KIAA0319L: variants seen among roughly 807,000 people sequenced by gnomAD.
KIAA0319L encodes the protein KIAA0319 like.
Under a neutral mutation model 120.1 loss-of-function variants are expected in KIAA0319L, and 55 were observed. The ratio of observed to expected loss-of-function variants is 0.46; its 90% CI spans 0.37 to 0.57. The LOEUF is 0.57. KIAA0319L is among the 20% of genes least tolerant of loss of function. KIAA0319L has a pLI of 0.00. For missense variants in KIAA0319L, 1,049 were observed against 1,255.3 expected, an observed-to-expected ratio of 0.84 and a Z score of 2.48; for synonymous variants, 398 against 471.9, an observed-to-expected ratio of 0.84 and a Z score of 2.03.
Position 35,453,492 on chromosome 1 carries a change from A to G in KIAA0319L, c.1913+65T>C. On this transcript the variant is annotated intron_variant, in intron 12 of 20. Transcript: ENST00000325722. This position sits in a 1 kb window ranked among gnomAD's most constrained non-coding sequence, Gnocchi z 4.1. Reference sequence around the variant, plus strand: ...AGAGCAACTCAACTCATAATAGCAAATAAAACCTTGCTCTTCCAAGGTCTG... The same window carrying G: ...AGAGCAACTCAACTCATAATAGCAAGTAAAACCTTGCTCTTCCAAGGTCTG... The G allele has an allele frequency of 6.6e-7, 1 of 1,524,806 alleles. No homozygotes were observed. The highest frequency in any genetic ancestry group is 9.0e-7 in the Non-Finnish European group (1 of 1,107,458). 94.5% of individuals were successfully genotyped at this position (1,524,806 alleles called of 1,614,324 possible).
intron 17 of KIAA0319L, among the ~76,000 whole-genome samples, chr1:35,443,714 A>G (rs1342346246): frequency 6.6e-6 from 1 of 152,156 alleles, no homozygotes; most frequent in East Asian, 1.9e-4. Context: ...ATAAGCATTA[A>G]ACAACAAGAG....
chr1:35,534,518 C>T (rs1376356419), intron 2 of KIAA0319L, among the ~76,000 whole-genome samples: 6 of 152,158 alleles, frequency 3.9e-5, no homozygotes, highest in African/African-American at 1.4e-4. Context: ...ATAACACTGT[C>T]ACTAAAAAGC....
rs369095966 is a variant in KIAA0319L at position 35,474,921 on chromosome 1, A to T, written c.914-15T>A. Reference sequence around the variant, plus strand: ...TTCCTTTATAACTGGAAACAAAGTAAATATACCAGAGATAAGAAATAGATC... The same window carrying T: ...TTCCTTTATAACTGGAAACAAAGTATATATACCAGAGATAAGAAATAGATC... On this transcript the variant is annotated splice_polypyrimidine_tract_variant and intron_variant, in intron 4 of 20. Transcript: ENST00000325722. 72 of 1,356,410 alleles carry T rather than the reference A, an allele frequency of 5.3e-5. No individual in the cohort carries two copies. The highest frequency in any genetic ancestry group is 7.4e-5 in the Non-Finnish European group (70 of 949,380). The allele number at this position is 1,356,410 out of a possible 1,614,324, so 84.0% of individuals were successfully genotyped here. A position where few individuals can be genotyped will look rare whatever the true frequency, so the allele number is the denominator to read the frequency against.
intron 3 of KIAA0319L, among the ~76,000 whole-genome samples, chr1:35,501,819 A>G (rs1359420597): frequency 6.7e-6 from 1 of 150,366 alleles, no homozygotes; most frequent in Non-Finnish European, 1.5e-5. Flanking sequence ...TGGAGGTTGC[A>G]GTGAGCCAAG....
At chr1:35,532,513 G>T (rs1411127061) in intron 2 of KIAA0319L, among the ~76,000 whole-genome samples, 1 of 152,096 alleles carries the variant, frequency 6.6e-6, no homozygotes, top group Non-Finnish European at 1.5e-5. Context: ...AACCTTTGAA[G>T]AATAATTTAA....
chr1:35,444,296 T>C lies in KIAA0319L; in HGVS notation c.2521A>G (p.Met841Val), dbSNP rs1467237626. The C allele has an allele frequency of 6.2e-7, 1 of 1,605,290 alleles. No homozygotes were observed. The highest frequency in any genetic ancestry group is 8.5e-7 in the Non-Finnish European group (1 of 1,176,510). Residue 841 changes from methionine (M) to valine (V), a missense_variant, in exon 17 of 21, where the codon ATG (methionine) becomes GTG (valine). Transcript: ENST00000325722. ...GGCTCGTTTTGAACAAAAAATACCA[T>C]TTTGGTGCTGCAGAGACATGCAACA... ...IQPYTEQSTK[M>V]VFFVQNEPPH...
intron 2 of KIAA0319L, among the ~76,000 whole-genome samples, chr1:35,512,714 CA>C (rs1201763151): frequency 6.6e-6 from 1 of 151,680 alleles, no homozygotes; most frequent in Non-Finnish European, 1.5e-5. Flanking sequence ...ACTAAAAATA[CA>C]AAAATTAACT....
intron 7 of KIAA0319L, among the ~76,000 whole-genome samples, chr1:35,464,374 T>G (rs1643107834): frequency 6.6e-6 from 1 of 152,210 alleles, no homozygotes; most frequent in Admixed American, 6.5e-5. Flanking sequence ...TGACTCTTGC[T>G]ATGTTTTCGC....
At chr1:35,539,425 C>T (rs1371646319) in intron 2 of KIAA0319L, among the ~76,000 whole-genome samples, 2 of 152,168 alleles carry the variant, frequency 1.3e-5, no homozygotes, top group Non-Finnish European at 2.9e-5. Flanking sequence ...TAGGAAAACT[C>T]GCTGTTATTT....
intron 17 of KIAA0319L, among the ~76,000 whole-genome samples, chr1:35,443,673 A>AAAATAAATAAAT (rs750954696): frequency 6.7e-4 from 101 of 151,124 alleles, no homozygotes; most frequent in Middle Eastern, 3.4e-3. Context: ...ACTCTATCTC[A>AAAATAAATAAAT]AAATAAATAA....
At chr1:35,551,349 G>A (rs914411902) in intron 2 of KIAA0319L, among the ~76,000 whole-genome samples, 12 of 151,738 alleles carry the variant, frequency 7.9e-5, no homozygotes, top group Middle Eastern at 3.2e-3. Flanking sequence ...ATGGAGTCTC[G>A]CTCTGTTGGC....
chr1:35,440,981 T>G (rs771632902), intron 20 of KIAA0319L, 66 bp downstream of exon 20: 9 of 1,209,932 alleles, frequency 7.4e-6, no homozygotes, highest in Non-Finnish European at 9.9e-6. Flanking sequence ...CAGGAGGGGC[T>G]AGTGACAGCA....
rs549983123 is a variant in KIAA0319L, at chr1:35,480,040, T to A, written c.667-828A>T. 9.9e-5 allele frequency among the ~76,000 whole-genome samples: 15 copies of A among 151,816 alleles called. No individual in the cohort carries two copies. In the East Asian group the frequency reaches 2.1e-3, roughly 21 times the overall value. On this transcript the variant is annotated intron_variant, in intron 3 of 20. Transcript: ENST00000325722. ...AGAGTATGGAAAAGAATGATTTTTT[T>A]ATTATTATTATTAAAGAAAAAGGCT...
chr1:35,509,442 GTC>G (rs1440808699), intron 2 of KIAA0319L, among the ~76,000 whole-genome samples: 1 of 152,212 alleles, frequency 6.6e-6, no homozygotes, highest in African/African-American at 2.4e-5. Flanking sequence ...GAGAAGAAAA[GTC>G]TATAAAATCA....
At chr1:35,532,418 G>A (rs943743729) in intron 2 of KIAA0319L, among the ~76,000 whole-genome samples, 2 of 152,100 alleles carry the variant, frequency 1.3e-5, no homozygotes, top group African/African-American at 4.8e-5. Context: ...CTGAATCATA[G>A]TTCTTTGTCT....
intron 3 of KIAA0319L, among the ~76,000 whole-genome samples, chr1:35,497,148 T>C (rs1644840803): frequency 6.6e-6 from 1 of 150,972 alleles, no homozygotes; most frequent in Non-Finnish European, 1.5e-5. Flanking sequence ...GGAATAGGGA[T>C]GGCACACAGG....
intron 3 of KIAA0319L, among the ~76,000 whole-genome samples, chr1:35,490,735 C>G (rs1334179281): frequency 2.0e-5 from 3 of 152,130 alleles, no homozygotes; most frequent in African/African-American, 7.2e-5. Flanking sequence ...TGTTTTGGCT[C>G]TGTGTCCCCA....
chr1:35,453,543 G>A lies in KIAA0319L; in HGVS notation c.1913+14C>T, dbSNP rs1163262822. 6.2e-7 allele frequency: 1 copy of A among 1,613,610 alleles called. No individual in the cohort carries two copies. Among genetic ancestry groups the A allele is most frequent in the Non-Finnish European group, 8.5e-7 (1 of 1,179,636 alleles). On this transcript the variant is annotated intron_variant, in intron 12 of 20. Transcript: ENST00000325722. The surrounding 1 kb of genome is among the most constrained non-coding windows in gnomAD (Gnocchi z 4.1). ...GAGGCTTTGCAAAAATAAGGATTTT[G>A]TGTCAATACTCACTGTGTTTTTTCC... is the stretch of plus-strand genomic sequence containing the variant.
Position 35,454,541 on chromosome 1 carries a change from T to C in KIAA0319L, c.1657-56A>G, listed in dbSNP as rs956672245. ...GGACTCCAGGAATCACATCACACAA[T>C]AATTCCGACTCTGGTAAAAACGATT... is the stretch of plus-strand genomic sequence containing the variant. On this transcript the variant is annotated intron_variant, in intron 10 of 20. Transcript: ENST00000325722. The C allele has an allele frequency of 6.2e-6, 10 of 1,600,384 alleles. No individual in the cohort carries two copies. In the Admixed American group the frequency reaches 8.5e-5, roughly 14 times the overall value.
Sources: gnomAD v4.1 joint callset for allele counts (sites outside exome capture counted in the v4.1 genomes callset) on GRCh38, gnomAD v4.1.1 for gene constraint, Gnocchi (gnomAD v3.1) non-coding constraint, MANE v1.5 for transcripts, NCBI Gene and HGNC (gene_info 2026-07-23, HGNC 2026-07-21) for gene names.